Variants in P2RY6 observed in about 807,000 individuals in gnomAD.
P2RY6 encodes P2Y purinoceptor 6.
In P2RY6, 19 loss-of-function variants were observed where a neutral mutation model predicts 16.3. That is an observed-to-expected ratio of 1.16 (90% CI 0.81 to 1.71). The LOEUF is 1.71. Ranked by LOEUF, P2RY6 falls within the 40% of genes most tolerant of loss-of-function variation. P2RY6 has a pLI of 0.00. For missense variants in P2RY6, 389 were observed against 455.5 expected (o/e 0.85, Z 1.33); for synonymous variants, 184 against 201.5 (o/e 0.91, Z 0.74).
chr11:73,283,598 A>G (rs79912394), intron 1 of P2RY6, among the ~76,000 whole-genome samples: 1 of 152,186 alleles, frequency 6.6e-6, no homozygotes, highest in Admixed American at 6.5e-5. Flanking sequence ...TTCCTTGTGG[A>G]TGGAGCTCAG....
intron 1 of P2RY6, among the ~76,000 whole-genome samples, chr11:73,277,659 T>C (rs1332136134): frequency 6.6e-6 from 1 of 152,254 alleles, no homozygotes; most frequent in Non-Finnish European, 1.5e-5. Flanking sequence ...ATGGCTTGCA[T>C]GACAAGGTAA....
chr11:73,268,716 A>G (rs1410121538), upstream of P2RY6, among the ~76,000 whole-genome samples: 1 of 152,178 alleles, frequency 6.6e-6, no homozygotes, highest in Non-Finnish European at 1.5e-5. Flanking sequence ...TTAGGATCTG[A>G]TCTGAATCCC....
At chr11:73,293,089 T>TG (rs1296980313) in intron 1 of P2RY6, among the ~76,000 whole-genome samples, 1 of 151,912 alleles carries the variant, frequency 6.6e-6, no homozygotes, top group Non-Finnish European at 1.5e-5. Context: ...TCCACCCAGC[T>TG]GGGGGGATAA....
chr11:73,285,354 G>A (rs531670155), intron 1 of P2RY6, among the ~76,000 whole-genome samples: 5 of 152,342 alleles, frequency 3.3e-5, no homozygotes, highest in Non-Finnish European at 5.9e-5. Flanking sequence ...GATTCCAGGC[G>A]TGAGCCACCA....
chr11:73,295,549 TCC>T (rs1210244508), intron 1 of P2RY6, among the ~76,000 whole-genome samples, 179 bp from the exon 2 acceptor site: 1 of 152,134 alleles, frequency 6.6e-6, no homozygotes, highest in African/African-American at 2.4e-5. Context: ...TGCCTGGATT[TCC>T]ATCTCTGTAA....
Position 73,297,381 on chromosome 11 carries a change from CG to C in P2RY6, c.864del (p.Phe289LeufsTer70), listed in dbSNP as rs1204560273. 1.2e-6 allele frequency: 2 copies of C among 1,612,152 alleles called. No homozygotes were observed. Among genetic ancestry groups the C allele is most frequent in the Admixed American group, 3.3e-5 (2 of 60,016 alleles). On this transcript the variant is annotated frameshift_variant, in exon 3 of 3. Transcript: ENST00000540124. LOFTEE classifies it high-confidence loss of function. ...AFAAAYKGTR[P>X]FASANSVLDP... ...GCAGCGGCCTACAAAGGCACGCGGC[CG>C]TTTGCCAGTGCCAACAGCGTGCTGG...
intron 1 of P2RY6, among the ~76,000 whole-genome samples, chr11:73,284,830 AAC>A (rs1863903885): frequency 6.6e-6 from 1 of 152,228 alleles, no homozygotes; most frequent in African/African-American, 2.4e-5. Flanking sequence ...GTGAAAAAAA[AAC>A]ACGAAAACCC....
intron 1 of P2RY6, among the ~76,000 whole-genome samples, chr11:73,280,337 A>C (rs1309819089): frequency 6.6e-6 from 1 of 152,192 alleles, no homozygotes; most frequent in African/African-American, 2.4e-5. Context: ...TAAATGGGGC[A>C]ATGCACATCT....
Position 73,297,266 on chromosome 11 carries a change from A to T in P2RY6, c.748A>T (p.Ile250Phe). The change falls in exon 3 of 3, where the codon ATC (isoleucine) becomes TTC (phenylalanine). Residue 250 changes from isoleucine (I) to phenylalanine (F), a missense_variant. By Grantham distance (21) the Ile-to-Phe change is conservative. Coordinates refer to ENST00000540124, the MANE Select transcript of P2RY6 (RefSeq NM_001277204.2). ...MAVVVAAAFAISFLPFHITKT... is the reference protein window; with the variant it reads ...MAVVVAAAFAFSFLPFHITKT... ...CGTGGTGGTGGCTGCTGCCTTTGCC[A>T]TCAGCTTCCTGCCTTTTCACATCAC... The T allele has an allele frequency of 6.2e-7, 1 of 1,606,978 alleles. No homozygotes were observed. Among genetic ancestry groups the T allele is most frequent in the Non-Finnish European group, 8.5e-7 (1 of 1,179,538 alleles).
chr11:73,280,312 G>C (rs1179924535), intron 1 of P2RY6, among the ~76,000 whole-genome samples: 3 of 152,100 alleles, frequency 2.0e-5, no homozygotes, highest in Non-Finnish European at 2.9e-5. Flanking sequence ...CACCTTGCGG[G>C]GTCCTTATGA....
In P2RY6 at chr11:73,297,193, G is replaced by A. The variant is rs558670933; in HGVS notation, c.675G>A (p.Pro225=). 34 of 1,603,652 alleles carry A rather than the reference G, an allele frequency of 2.1e-5. 1 individual carries two copies. In the Middle Eastern group the frequency reaches 1.3e-3, roughly 62 times the overall value. Residue 225 remains proline, a synonymous_variant, in exon 3 of 3, where the codon CCG becomes CCA. Transcript: ENST00000540124. ...GCCGCCTGTGCCGCCAGGATGGCCCGGCAGAGCCTGTGGCCCAGGAGCGGC... is the reference window on the plus strand; with the variant it reads ...GCCGCCTGTGCCGCCAGGATGGCCCAGCAGAGCCTGTGGCCCAGGAGCGGC... ...LACRLCRQDG[P]AEPVAQERRG...
chr11:73,277,281 T>C (rs1377470679), intron 1 of P2RY6, among the ~76,000 whole-genome samples: 1 of 152,020 alleles, frequency 6.6e-6, no homozygotes, highest in Non-Finnish European at 1.5e-5. Context: ...ACCTGGCTAA[T>C]TTTTGTATTT....
At position 73,297,156 on chromosome 11, in the gene P2RY6, G is replaced by A. The variant is rs781508934; in HGVS notation, c.638G>A (p.Cys213Tyr). 8.7e-6 allele frequency: 14 copies of A among 1,604,920 alleles called. No homozygotes were observed. The highest frequency in any genetic ancestry group is 1.2e-5 in the Non-Finnish European group (14 of 1,179,912). ...LPFAALLACY[C>Y]LLACRLCRQD... is the part of the protein sequence containing the mutation. ...TTTGCTGCCCTGCTGGCCTGCTACT[G>A]TCTCCTGGCCTGCCGCCTGTGCCGC... The change falls in exon 3 of 3, where the codon TGT becomes TAT. Residue 213 changes from cysteine (C) to tyrosine (Y), a missense_variant. By Grantham distance (194) the Cys-to-Tyr change is radical. Transcript: ENST00000540124.
At chr11:73,296,353 T>G in intron 2 of P2RY6, 132 bp from the exon 3 acceptor site, 1 of 690,568 alleles carries the variant, frequency 1.4e-6, no homozygotes, top group Admixed American at 2.8e-5. Context: ...CTTCACGGGG[T>G]GGTTAGAGTA....
chr11:73,279,662 A>C, intron 1 of P2RY6, among the ~76,000 whole-genome samples: 1 of 152,198 alleles, frequency 6.6e-6, no homozygotes, highest in East Asian at 1.9e-4. Context: ...CTGCACAGCT[A>C]ATAATCCAGG....
intron 1 of P2RY6, among the ~76,000 whole-genome samples, chr11:73,286,785 G>A (rs1001699642): frequency 3.3e-5 from 5 of 152,074 alleles, no homozygotes; most frequent in African/African-American, 9.7e-5. Flanking sequence ...CCGCCCCTTC[G>A]ACTGGTCTTC....
chr11:73,288,397 T>C (rs898383918), intron 1 of P2RY6, among the ~76,000 whole-genome samples: 1 of 152,174 alleles, frequency 6.6e-6, no homozygotes, highest in African/African-American at 2.4e-5. Context: ...CTGTTTCAGT[T>C]TTAGCTTTAA....
chr11:73,289,702 C>T (rs1207461689), intron 1 of P2RY6, among the ~76,000 whole-genome samples: 5 of 152,230 alleles, frequency 3.3e-5, no homozygotes, highest in Admixed American at 3.3e-4. Flanking sequence ...CCCTGGGAAT[C>T]CCCTGATCTG....
chr11:73,267,404 G>C (rs1863140928), upstream of P2RY6, among the ~76,000 whole-genome samples: 1 of 152,152 alleles, frequency 6.6e-6, no homozygotes, highest in African/African-American at 2.4e-5. Flanking sequence ...AGCTCTCAGG[G>C]GACGGTGGCC....
Sources: gnomAD v4.1 joint callset for allele counts (sites outside exome capture counted in the v4.1 genomes callset) on GRCh38, gnomAD v4.1.1 for gene constraint, MANE v1.5 for transcripts, NCBI Gene and HGNC (gene_info 2026-07-23, HGNC 2026-07-21) for gene names.